Variants in XKR6 observed in about 807,000 individuals in gnomAD.
The protein encoded by XKR6 is XK-related protein 6.
XKR6 carries 22 observed loss-of-function variants against 56.7 expected under a neutral mutation model. The ratio of observed to expected loss-of-function variants is 0.39; its 90% confidence interval spans 0.28 to 0.55. XKR6 has a LOEUF of 0.55. XKR6 is among the 20% of genes least tolerant of loss of function. The pLI is 0.66. For synonymous variants in XKR6, 524 were observed against 387.8 expected, an observed-to-expected ratio of 1.35 and a Z score of -4.13; for missense variants, 852 against 889.0, an observed-to-expected ratio of 0.96 and a Z score of 0.53.
intron 1 of XKR6, chr8:11,114,156 A>G (rs1799045310): frequency 2.6e-6 from 1 of 390,624 alleles, no homozygotes; most frequent in Non-Finnish European, 4.9e-6. Context: ...ACATGACACT[A>G]AAATATAAAA....
chr8:11,159,919 A>C (rs1410763468), intron 1 of XKR6, among the ~76,000 whole-genome samples: 1 of 152,186 alleles, frequency 6.6e-6, no homozygotes, highest in Non-Finnish European at 1.5e-5. Flanking sequence ...CATGACCCCA[A>C]GGGCAAGCCA....
intron 1 of XKR6, among the ~76,000 whole-genome samples, chr8:11,011,853 A>T (rs1041818622): frequency 3.3e-5 from 5 of 152,210 alleles, no homozygotes; most frequent in Non-Finnish European, 5.9e-5. Flanking sequence ...AGGGCAGCAC[A>T]TGGCACTGGG....
chr8:10,983,551 C>T (rs1450016638), intron 1 of XKR6, among the ~76,000 whole-genome samples: 1 of 152,132 alleles, frequency 6.6e-6, no homozygotes, highest in African/African-American at 2.4e-5. Flanking sequence ...AGAACTTGGC[C>T]CACTAGGTTT....
intron 1 of XKR6, among the ~76,000 whole-genome samples, chr8:10,974,124 TGAG>T (rs1468309106): frequency 6.6e-6 from 1 of 152,196 alleles, no homozygotes; most frequent in Non-Finnish European, 1.5e-5. Context: ...GTTGGCTCTG[TGAG>T]GAGATGGTGG....
At chr8:11,093,046 C>G (rs1446736303) in intron 1 of XKR6, among the ~76,000 whole-genome samples, 1 of 151,698 alleles carries the variant, frequency 6.6e-6, no homozygotes, top group Non-Finnish European at 1.5e-5. Context: ...CTTTCTTTCT[C>G]TTTCTTTTTC....
chr8:10,993,302 G>A (rs1055918729), intron 1 of XKR6, among the ~76,000 whole-genome samples: 1 of 152,222 alleles, frequency 6.6e-6, no homozygotes, highest in African/African-American at 2.4e-5. Flanking sequence ...TGCAGCAGCG[G>A]CCCTGCAGTC....
chr8:11,087,749 G>C (rs996575078), intron 1 of XKR6, among the ~76,000 whole-genome samples: 1 of 152,196 alleles, frequency 6.6e-6, no homozygotes, highest in African/African-American at 2.4e-5. Context: ...TTCCTGGGGA[G>C]AGCCCAACCC....
Position 11,200,056 on chromosome 8 carries a change from G to A in XKR6, c.764+520C>T, listed in dbSNP as rs1804116781. The stretch of plus-strand genomic sequence containing the variant: ...GGGCTGGGAGTGCAGGAGGGGGAAG[G>A]GGCGTGGAATCCAGGAGTGCTCGGA... On this transcript the variant is annotated intron_variant, in intron 1 of 2. Transcript: ENST00000416569. This position sits in a 1 kb window ranked among gnomAD's most constrained non-coding sequence, Gnocchi z 6.4. 6.6e-6 allele frequency among the ~76,000 whole-genome samples: 1 copy of A among 152,216 alleles called. No individual in the cohort carries two copies. Among genetic ancestry groups the A allele is most frequent in the Admixed American group, 6.5e-5 (1 of 15,278 alleles).
chr8:11,154,337 T>C (rs142208747), intron 1 of XKR6, among the ~76,000 whole-genome samples: 7 of 152,358 alleles, frequency 4.6e-5, no homozygotes, highest in African/African-American at 1.4e-4. Context: ...GATTCCTTGG[T>C]TGGCAACATT....
intron 1 of XKR6, among the ~76,000 whole-genome samples, chr8:10,980,977 G>GA (rs565839297): frequency 2.2e-4 from 32 of 148,072 alleles, no homozygotes; most frequent in Admixed American, 2.0e-4. Context: ...AGCTGTTTCA[G>GA]AAAAAAAAAA....
chr8:11,115,431 A>G (rs1799124981), intron 1 of XKR6, among the ~76,000 whole-genome samples: 1 of 152,226 alleles, frequency 6.6e-6, no homozygotes, highest in South Asian at 2.1e-4. Flanking sequence ...TGCTAAAGTT[A>G]TATTTAAAGA....
intron 1 of XKR6, among the ~76,000 whole-genome samples, chr8:10,980,015 CCTGAGG>C (rs1448663856): frequency 1.4e-4 from 22 of 152,350 alleles, no homozygotes; most frequent in African/African-American, 5.3e-4. Context: ...CATGCCAAAC[CCTGAGG>C]CAGACATCTC....
intron 1 of XKR6, among the ~76,000 whole-genome samples, chr8:11,099,794 G>C (rs76549304): frequency 0.015 from 2,326 of 152,282 alleles, 63 homozygotes; most frequent in African/African-American, 0.052. Flanking sequence ...TATAATGTGA[G>C]GTCATGATGG....
At chr8:11,124,242 G>T in intron 1 of XKR6, 1 of 346,758 alleles carries the variant, frequency 2.9e-6, no homozygotes, top group South Asian at 2.2e-5. Flanking sequence ...TCTTACCAAA[G>T]AGGAAAGTGA....
In XKR6 at chr8:11,200,731, GC is replaced by G; in HGVS notation, c.608del (p.Gly203AlafsTer4). 1.9e-6 allele frequency: 3 copies of G among 1,591,068 alleles called. No individual in the cohort carries two copies. The highest frequency in any genetic ancestry group is 1.4e-5 in the African/African-American group (1 of 72,504). On this transcript the variant is annotated frameshift_variant, in exon 1 of 3. Coordinates refer to ENST00000416569, the MANE Select transcript of XKR6 (RefSeq NM_173683.4). LOFTEE classifies it high-confidence loss of function. This position sits in a 1 kb window ranked among gnomAD's most constrained non-coding sequence, Gnocchi z 6.4. ...CGTAGCCGGCCCCCATCATGGGGGGGCCCCGGCTGGTGAGCCCCTCCACGGC... is the reference window on the plus strand; with the variant it reads ...CGTAGCCGGCCCCCATCATGGGGGGGCCCGGCTGGTGAGCCCCTCCACGGC... ...LGAVEGLTSR[G>X]PPMMGAGYVH...
chr8:11,106,376 C>G (rs1023540769), intron 1 of XKR6: 7 of 152,212 alleles, frequency 4.6e-5, no homozygotes, highest in Non-Finnish European at 7.3e-5. Flanking sequence ...CAGCGAGCTC[C>G]AGAGAGGCCG....
intron 1 of XKR6, among the ~76,000 whole-genome samples, chr8:10,937,986 G>T (rs1238780841): frequency 1.3e-5 from 2 of 151,308 alleles, no homozygotes; most frequent in Admixed American, 1.3e-4. Context: ...AATGGCGGGC[G>T]CCCCTCCCCC....
chr8:10,973,636 G>A (rs763423234), intron 1 of XKR6, among the ~76,000 whole-genome samples: 2 of 152,010 alleles, frequency 1.3e-5, no homozygotes, highest in Non-Finnish European at 2.9e-5. Flanking sequence ...CCGGAGTGCA[G>A]TGGAACCGTC....
intron 1 of XKR6, among the ~76,000 whole-genome samples, chr8:11,100,003 G>A (rs186400004): frequency 6.6e-6 from 1 of 152,288 alleles, no homozygotes; most frequent in South Asian, 2.1e-4. Context: ...TTGGGCGCTG[G>A]GAGGGAGAGG....
Sources: gnomAD v4.1 joint callset for allele counts (sites outside exome capture counted in the v4.1 genomes callset) on GRCh38, gnomAD v4.1.1 for gene constraint, Gnocchi (gnomAD v3.1) non-coding constraint, MANE v1.5 for transcripts, NCBI Gene and HGNC (gene_info 2026-07-23, HGNC 2026-07-21) for gene names.